The following SYN3 variants were observed in gnomAD, a reference collection of about 807,000 sequenced individuals.
SYN3 encodes synapsin III, also known as synapsin-3.
Under a neutral mutation model 65.8 loss-of-function variants are expected in SYN3, and 35 were observed. That is an observed-to-expected ratio of 0.53 (90% CI 0.41 to 0.70). The LOEUF is 0.70. Among genes scored for constraint, SYN3 ranks in the 30% least tolerant of loss-of-function variants. SYN3 has a pLI of 0.00. For synonymous variants in SYN3, 270 were observed against 292.9 expected (o/e 0.92, Z 0.80); for missense variants, 680 against 749.0 (o/e 0.91, Z 1.08).
rs139063413 is a variant in SYN3 at position 32,636,463 on chromosome 22, C to T, written c.712-39727G>A. On this transcript the variant is annotated intron_variant, in intron 6 of 13. Coordinates refer to ENST00000358763, the MANE Select transcript of SYN3 (RefSeq NM_003490.4). ...AACCATTTTGCTGGAACTGCTGTTC[C>T]CACCTTCACCAGTCATTGGTAAAAG... Among the ~76,000 whole-genome samples the T allele has an allele frequency of 1.8e-3, 268 of 151,970 alleles. 1 individual carries two copies. The highest frequency in any genetic ancestry group is 6.1e-3 in the African/African-American group (254 of 41,468).
chr22:32,811,904 G>T (rs917543561), intron 6 of SYN3, among the ~76,000 whole-genome samples: 5 of 152,184 alleles, frequency 3.3e-5, no homozygotes, highest in African/African-American at 1.2e-4. Context: ...TAGCCAAAGA[G>T]AGGGCCCTAG....
At chr22:33,055,053 TTCTC>T (rs1260635633) in intron 1 of SYN3, among the ~76,000 whole-genome samples, 2 of 152,232 alleles carry the variant, frequency 1.3e-5, no homozygotes, top group East Asian at 3.8e-4. Context: ...AAGATCTTTC[TTCTC>T]TCTATTCCAC....
intron 6 of SYN3, among the ~76,000 whole-genome samples, chr22:32,614,068 G>A (rs2059482375): frequency 6.6e-6 from 1 of 152,200 alleles, no homozygotes; most frequent in Non-Finnish European, 1.5e-5. Context: ...CTCCACAGAG[G>A]TTGTCTCAGG....
Position 32,718,781 on chromosome 22 carries a change from A to T in SYN3, c.712-122045T>A, listed in dbSNP as rs754501456. Among the ~76,000 whole-genome samples, 78 of 152,226 alleles carry T rather than the reference A, an allele frequency of 5.1e-4. 1 individual carries two copies. Among genetic ancestry groups the T allele is most frequent in the Non-Finnish European group, 5.3e-4 (36 of 68,052 alleles). ...GATCAATGAACAGGAAGACAGAAAG[A>T]TAAAATACATGTGTGACTGATCACA... is the stretch of plus-strand genomic sequence containing the variant. On this transcript the variant is annotated intron_variant, in intron 6 of 13. Transcript: ENST00000358763.
chr22:32,664,032 G>C (rs2060255422), intron 6 of SYN3, among the ~76,000 whole-genome samples: 1 of 152,118 alleles, frequency 6.6e-6, no homozygotes, highest in Admixed American at 6.6e-5. Flanking sequence ...CTTGAGAAGA[G>C]ACTATGAAAA....
intron 6 of SYN3, chr22:32,802,087 G>A: frequency 6.3e-7 from 1 of 1,579,374 alleles, no homozygotes; most frequent in Non-Finnish European, 8.6e-7. Context: ...TGCTCGCCCA[G>A]CCACCCCCAG....
At chr22:32,795,657 G>C (rs571961905) in intron 6 of SYN3, among the ~76,000 whole-genome samples, 1 of 152,166 alleles carries the variant, frequency 6.6e-6, no homozygotes. Context: ...TAAAAGGGAA[G>C]GGGAGAGAGC....
At chr22:32,515,839 C>G (rs906136094) in intron 13 of SYN3, among the ~76,000 whole-genome samples, 4 of 151,912 alleles carry the variant, frequency 2.6e-5, no homozygotes, top group African/African-American at 4.8e-5. Context: ...TGCTCTGTCA[C>G]CCAGGCTGGA....
intron 7 of SYN3, among the ~76,000 whole-genome samples, chr22:32,571,895 G>A (rs768339521): frequency 6.6e-6 from 1 of 152,040 alleles, no homozygotes; most frequent in East Asian, 1.9e-4. Context: ...GGTATTTGTT[G>A]AGTAAACTAA....
chr22:33,025,307 A>G (rs570249996), intron 1 of SYN3, among the ~76,000 whole-genome samples: 104 of 151,914 alleles, frequency 6.8e-4, no homozygotes, highest in African/African-American at 2.2e-3. Context: ...TACAAAAATT[A>G]GCCAGGCATG....
At chr22:32,557,272 A>G (rs2710385) in intron 7 of SYN3, among the ~76,000 whole-genome samples, 108,357 of 151,672 alleles carry the variant, frequency 0.71, 38,929 homozygotes, top group African/African-American at 0.79. Context: ...CAACACCACA[A>G]AGGGCATGCG....
chr22:32,912,197 GGGCA>G, intron 4 of SYN3, among the ~76,000 whole-genome samples: 1 of 152,150 alleles, frequency 6.6e-6, no homozygotes, highest in African/African-American at 2.4e-5. Flanking sequence ...GCAGAGCTTT[GGGCA>G]CGATGGAGGT....
intron 6 of SYN3, chr22:32,859,431 G>T (rs367652593): frequency 1.9e-5 from 30 of 1,565,844 alleles, no homozygotes; most frequent in East Asian, 4.6e-5. Context: ...GCTTCCCTTG[G>T]ACACTAACTC....
chr22:32,516,342 CTT>C (rs2057774214), intron 13 of SYN3, among the ~76,000 whole-genome samples: 2 of 138,044 alleles, frequency 1.4e-5, no homozygotes, highest in South Asian at 4.5e-4. Flanking sequence ...CAACATACAT[CTT>C]TGATTTATTT....
intron 1 of SYN3, among the ~76,000 whole-genome samples, chr22:33,029,359 T>A (rs1016917544): frequency 6.6e-6 from 1 of 152,052 alleles, no homozygotes; most frequent in Admixed American, 6.5e-5. Flanking sequence ...TTTATTTTTA[T>A]TTTTGTAGAG....
intron 6 of SYN3, among the ~76,000 whole-genome samples, chr22:32,856,608 A>C (rs1041709402): frequency 2.6e-5 from 4 of 152,240 alleles, no homozygotes. Flanking sequence ...ATAGTAATCA[A>C]ATCAGGGTAA....
At chr22:32,745,800 C>T (rs1207216367) in intron 6 of SYN3, among the ~76,000 whole-genome samples, 8 of 152,070 alleles carry the variant, frequency 5.3e-5, no homozygotes, top group Middle Eastern at 3.4e-3. Flanking sequence ...GAGAAAGAAA[C>T]GCAGACAGGA....
At chr22:32,886,886 G>A (rs1180481566) in intron 4 of SYN3, among the ~76,000 whole-genome samples, 3 of 152,216 alleles carry the variant, frequency 2.0e-5, no homozygotes, top group Non-Finnish European at 4.4e-5. Flanking sequence ...AAGGCAGCCC[G>A]CAGGACCCTG....
At chr22:32,818,035 A>G (rs959863880) in intron 6 of SYN3, among the ~76,000 whole-genome samples, 19 of 152,238 alleles carry the variant, frequency 1.2e-4, no homozygotes, top group African/African-American at 4.6e-4. Context: ...CCTAAAAGCT[A>G]TCTTGGATCA....
Sources: gnomAD v4.1 joint callset for allele counts (sites outside exome capture counted in the v4.1 genomes callset) on GRCh38, gnomAD v4.1.1 for gene constraint, MANE v1.5 for transcripts, NCBI Gene and HGNC (gene_info 2026-07-23, HGNC 2026-07-21) for gene names.